The following ZC2HC1B variants were observed in gnomAD, a reference collection of about 807,000 sequenced individuals.
The protein encoded by ZC2HC1B is zinc finger C2HC domain-containing protein 1B.
A neutral mutation model predicts 31.0 loss-of-function variants in ZC2HC1B; 36 were observed. The observed-to-expected ratio is 1.16, with a 90% CI of 0.89 to 1.54. ZC2HC1B has a LOEUF of 1.54. ZC2HC1B is among the 40% of genes most tolerant of loss of function. The probability of loss-of-function intolerance (pLI) is 0.00; values close to 1 mark genes in which losing one functional copy is unlikely to be tolerated. For missense variants in ZC2HC1B, 260 were observed against 268.6 expected (o/e 0.97, Z 0.22); for synonymous variants, 73 against 88.0 (o/e 0.83, Z 0.95).
At chr6:143,882,584 C>T (rs1777482539) in intron 1 of ZC2HC1B, among the ~76,000 whole-genome samples, 1 of 151,702 alleles carries the variant, frequency 6.6e-6, no homozygotes, top group Non-Finnish European at 1.5e-5. Flanking sequence ...TTCCATGACC[C>T]TGTTCTCTCC....
At chr6:143,864,649 G>A in intron 1 of ZC2HC1B, 82 bp downstream of exon 1, 1 of 1,405,204 alleles carries the variant, frequency 7.1e-7, no homozygotes, top group South Asian at 1.2e-5. Context: ...AAGCTGGTAG[G>A]TATTAGCTTG....
rs1777487771 is a variant in ZC2HC1B at position 143,883,009 on chromosome 6, C to A, written c.29-1295C>A. The stretch of plus-strand genomic sequence containing the variant: ...ATACAGAATCACTCATCTCCTATTT[C>A]CTTTCCATTTCAGGCCTCCACCTTC... On this transcript the variant is annotated intron_variant, in intron 1 of 7. Transcript: ENST00000237275. The surrounding 1 kb of genome is among the most constrained non-coding windows in gnomAD (Gnocchi z 4.1). 6.6e-6 allele frequency among the ~76,000 whole-genome samples: 1 copy of A among 152,114 alleles called. No homozygotes were observed. The highest frequency in any genetic ancestry group is 6.6e-5 in the Admixed American group (1 of 15,254).
chr6:143,927,666 A>G (rs1423986397), intron 6 of ZC2HC1B, among the ~76,000 whole-genome samples: 2 of 152,196 alleles, frequency 1.3e-5, no homozygotes, highest in Non-Finnish European at 2.9e-5. Flanking sequence ...CAGTAGTTGG[A>G]TTGCTGGATC....
chr6:143,883,639 C>CT lies in ZC2HC1B; in HGVS notation c.29-659dup, dbSNP rs1777496383. On this transcript the variant is annotated intron_variant, in intron 1 of 7. Coordinates refer to ENST00000237275, the MANE Select transcript of ZC2HC1B (RefSeq NM_001013623.3). The surrounding 1 kb of genome is among the most constrained non-coding windows in gnomAD (Gnocchi z 4.1). ...ACCAAAAGGAAGTAATACAAAAAAC[C>CT]TTTTTTCAGAATTTCATAATATTTT... 6.6e-6 allele frequency among the ~76,000 whole-genome samples: 1 copy of CT among 152,014 alleles called. No homozygotes were observed. Among genetic ancestry groups the CT allele is most frequent in the Admixed American group, 6.6e-5 (1 of 15,250 alleles).
chr6:143,897,571 C>T (rs768549834), intron 4 of ZC2HC1B, among the ~76,000 whole-genome samples: 1 of 151,824 alleles, frequency 6.6e-6, no homozygotes, highest in East Asian at 1.9e-4. Context: ...TCTCTGGAAG[C>T]TGAAGCTGTT....
Position 143,926,860 on chromosome 6 carries a change from G to A in ZC2HC1B, c.599-10789G>A, listed in dbSNP as rs12200608. Among the ~76,000 whole-genome samples the A allele has an allele frequency of 6.4e-3, 794 of 124,004 alleles. 5 individuals are homozygous for A. Among genetic ancestry groups the A allele is most frequent in the Middle Eastern group, 0.012 (2 of 170 alleles). 81.4% of individuals were successfully genotyped at this position (124,004 alleles called of 152,430 possible). ...TTTTTTTTTTTTTTTTTTTTGAGAC[G>A]GAGTCTCGCTCTGTCGCCCAGGCCG... On this transcript the variant is annotated intron_variant, in intron 6 of 7. Coordinates refer to ENST00000237275, the MANE Select transcript of ZC2HC1B (RefSeq NM_001013623.3).
chr6:143,907,387 T>C (rs1380684336), intron 6 of ZC2HC1B, among the ~76,000 whole-genome samples: 1 of 152,198 alleles, frequency 6.6e-6, no homozygotes, highest in Non-Finnish European at 1.5e-5. Context: ...AACTAATTTA[T>C]AGTTCCACCA....
intron 4 of ZC2HC1B, among the ~76,000 whole-genome samples, chr6:143,891,786 A>T (rs1270635901): frequency 6.6e-6 from 1 of 152,216 alleles, no homozygotes; most frequent in Admixed American, 6.5e-5. Context: ...GGAATAGGCA[A>T]TATAGTTTTT....
Position 143,887,111 on chromosome 6 carries a change from CCAA to C in ZC2HC1B, c.349+292_349+294del, listed in dbSNP as rs1037331042. 6.6e-6 allele frequency among the ~76,000 whole-genome samples: 1 copy of C among 152,126 alleles called. No individual in the cohort carries two copies. The highest frequency in any genetic ancestry group is 1.5e-5 in the Non-Finnish European group (1 of 68,036). On this transcript the variant is annotated intron_variant, in intron 4 of 7. Transcript: ENST00000237275. This position sits in a 1 kb window ranked among gnomAD's most constrained non-coding sequence, Gnocchi z 5.1. ...TATGGAGCTATGCAGAGCAAACTAA[CCAA>C]CTCTGCAACAGCCCCATCGTGTCAG...
chr6:143,931,896 T>G (rs1379160599), intron 6 of ZC2HC1B, among the ~76,000 whole-genome samples: 2 of 151,174 alleles, frequency 1.3e-5, no homozygotes, highest in Admixed American at 6.6e-5. Context: ...GGAGTTTCAC[T>G]TTTGTTGCCC....
At position 143,910,952 on chromosome 6, in the gene ZC2HC1B, C is replaced by T. The variant is rs1331249902; in HGVS notation, c.598+7800C>T. ...ACTTTTTGTGGAGATGGGGTTTAAC[C>T]ATGTTGGCCAGGGTAGTCTCAAACT... On this transcript the variant is annotated intron_variant, in intron 6 of 7. Transcript: ENST00000237275. 2.0e-5 allele frequency among the ~76,000 whole-genome samples: 3 copies of T among 152,088 alleles called. No individual in the cohort carries two copies. The East Asian group carries it at 5.8e-4, about 29-fold the overall frequency.
At chr6:143,936,975 T>C (rs997306809) in intron 6 of ZC2HC1B, among the ~76,000 whole-genome samples, 3 of 152,194 alleles carry the variant, frequency 2.0e-5, no homozygotes, top group Admixed American at 1.3e-4. Flanking sequence ...TTCCTTGTTA[T>C]TGCTCCTTCA....
chr6:143,901,465 G>C (rs1777738219), intron 5 of ZC2HC1B, among the ~76,000 whole-genome samples: 1 of 151,390 alleles, frequency 6.6e-6, no homozygotes, highest in Admixed American at 6.6e-5. Context: ...TCACCATGTT[G>C]GCCAGGCTGG....
chr6:143,906,023 G>A (rs868156404), intron 6 of ZC2HC1B, among the ~76,000 whole-genome samples: 2 of 152,132 alleles, frequency 1.3e-5, no homozygotes, highest in African/African-American at 4.8e-5. Flanking sequence ...CATCTTTGAA[G>A]TCAGGGTATC....
At position 143,924,253 on chromosome 6, in the gene ZC2HC1B, A is replaced by G. The variant is rs1778011479; in HGVS notation, c.599-13396A>G. Among the ~76,000 whole-genome samples the G allele has an allele frequency of 6.6e-6, 1 of 151,960 alleles. No homozygotes were observed. Among genetic ancestry groups the G allele is most frequent in the Admixed American group, 6.6e-5 (1 of 15,248 alleles). Reference sequence around the variant, plus strand: ...TTTTTAGCCAGTTTATTATTGGCACATAGAAATGCTGCTGATTTTTATATG... The same window carrying G: ...TTTTTAGCCAGTTTATTATTGGCACGTAGAAATGCTGCTGATTTTTATATG... On this transcript the variant is annotated intron_variant, in intron 6 of 7. Coordinates refer to ENST00000237275, the MANE Select transcript of ZC2HC1B (RefSeq NM_001013623.3). The surrounding 1 kb of genome is among the most constrained non-coding windows in gnomAD (Gnocchi z 5.2).
rs188225249 is a variant in ZC2HC1B, at chr6:143,865,859, G to A, written c.28+1292G>A. ...CAAGACAGGTCTTGCTCTGGCGCCCGAGCTGGAGCGCAGTAGTGCGATCTC... is the reference window on the plus strand; with the variant it reads ...CAAGACAGGTCTTGCTCTGGCGCCCAAGCTGGAGCGCAGTAGTGCGATCTC... On this transcript the variant is annotated intron_variant, in intron 1 of 7. Transcript: ENST00000237275. The surrounding 1 kb of genome is among the most constrained non-coding windows in gnomAD (Gnocchi z 4.4). 2.6e-3 allele frequency among the ~76,000 whole-genome samples: 402 copies of A among 152,070 alleles called. 2 individuals carry two copies. Among genetic ancestry groups the A allele is most frequent in the Non-Finnish European group, 4.4e-3 (301 of 67,986 alleles).
intron 6 of ZC2HC1B, among the ~76,000 whole-genome samples, chr6:143,927,030 C>T (rs1047116406): frequency 2.0e-5 from 3 of 148,374 alleles, no homozygotes; most frequent in Non-Finnish European, 4.5e-5. Context: ...GATCTCCTGA[C>T]CTCATGATCC....
rs201448202 is a variant in ZC2HC1B, at chr6:143,887,152, AT to A, written c.349+341del. Among the ~76,000 whole-genome samples, 11 of 150,488 alleles carry A rather than the reference AT, an allele frequency of 7.3e-5. No homozygotes were observed. In the South Asian group the frequency reaches 1.3e-3, roughly 17 times the overall value. On this transcript the variant is annotated intron_variant, in intron 4 of 7. Transcript: ENST00000237275. The surrounding 1 kb of genome is among the most constrained non-coding windows in gnomAD (Gnocchi z 5.1). ...CCCATCGTGTCAGATACCCACAGCA[AT>A]TTTTTTTTTCCAGGTAAAATTCCCA... is the stretch of plus-strand genomic sequence containing the variant.
At position 143,885,938 on chromosome 6, in the gene ZC2HC1B, A is replaced by G. The variant is rs974194999; in HGVS notation, c.91-94A>G. The G allele has an allele frequency of 7.4e-6, 10 of 1,360,072 alleles. No homozygotes were observed. Among genetic ancestry groups the G allele is most frequent in the African/African-American group, 1.5e-5 (1 of 66,998 alleles). The allele number at this position is 1,360,072 out of a possible 1,614,324, so 84.3% of individuals were successfully genotyped here. ...ATGAACTAGGCTCTGAGGAGCAAAC[A>G]TAGTCCCTGGAGTGGGGGCTGTCTA... On this transcript the variant is annotated intron_variant, in intron 2 of 7. Coordinates refer to ENST00000237275, the MANE Select transcript of ZC2HC1B (RefSeq NM_001013623.3). The surrounding 1 kb of genome is among the most constrained non-coding windows in gnomAD (Gnocchi z 4.2).
Sources: allele counts gnomAD v4.1 joint callset (sites outside exome capture counted in the v4.1 genomes callset), GRCh38; gene constraint gnomAD v4.1.1; non-coding constraint Gnocchi (gnomAD v3.1); transcripts MANE v1.5; gene names NCBI Gene and HGNC (gene_info 2026-07-23, HGNC 2026-07-21).